MYO1D: variants seen among roughly 807,000 people sequenced by gnomAD.
MYO1D encodes the protein myosin ID, also known as unconventional myosin-Id.
Under a neutral mutation model 122.0 loss-of-function variants are expected in MYO1D, and 83 were observed. The ratio of observed to expected loss-of-function variants is 0.68; its 90% CI spans 0.57 to 0.82. MYO1D has a LOEUF of 0.82. Among genes scored for constraint, MYO1D ranks in the 40% least tolerant of loss-of-function variants. The pLI, the probability that MYO1D is intolerant of heterozygous loss-of-function variation, is 0.00. For synonymous variants in MYO1D, 464 were observed against 446.9 expected (o/e 1.04, Z -0.48); for missense variants, 1,157 against 1,269.5 (o/e 0.91, Z 1.35).
intron 21 of MYO1D, among the ~76,000 whole-genome samples, chr17:32,595,275 C>T (rs370132772): frequency 5.3e-5 from 8 of 152,194 alleles, no homozygotes; most frequent in East Asian, 3.9e-4. Context: ...TATCTGTAAT[C>T]GGTCACAATT....
At chr17:32,856,066 G>A (rs566046372) in intron 1 of MYO1D, among the ~76,000 whole-genome samples, 2 of 152,250 alleles carry the variant, frequency 1.3e-5, no homozygotes, top group South Asian at 4.1e-4. Flanking sequence ...ATCAGAATGT[G>A]CATGCAGATG....
chr17:32,681,460 C>G (rs552996212), intron 16 of MYO1D, among the ~76,000 whole-genome samples: 281 of 146,360 alleles, frequency 1.9e-3, no homozygotes, highest in African/African-American at 6.9e-3. Flanking sequence ...TGTCTTTGTT[C>G]TCGTTGGTTT....
intron 16 of MYO1D, among the ~76,000 whole-genome samples, chr17:32,674,170 G>C (rs973935568): frequency 6.6e-6 from 1 of 152,198 alleles, no homozygotes; most frequent in African/African-American, 2.4e-5. Flanking sequence ...TGGGGGTGGA[G>C]TGGAAACGGC....
At chr17:32,659,449 T>C (rs2088527073) in intron 16 of MYO1D, 111 bp from the exon 17 acceptor site, 5 of 1,094,592 alleles carry the variant, frequency 4.6e-6, no homozygotes, top group Admixed American at 2.1e-5. Context: ...AACTTGCAAG[T>C]GTGCACAAAA....
At chr17:32,644,296 T>G (rs899380914) in intron 19 of MYO1D, among the ~76,000 whole-genome samples, 1 of 152,230 alleles carries the variant, frequency 6.6e-6, no homozygotes, top group Admixed American at 6.5e-5. Context: ...TTATAATTTC[T>G]GTTCTTTTAC....
chr17:32,877,112 T>C lies in MYO1D; in HGVS notation c.-240A>G, dbSNP rs1161811151. ...CAGTTTCCGCTCCTCCCGCCGCGGC[T>C]GCCGGGCGCTGTAGGGGCCGGGACA... On this transcript the variant is annotated 5_prime_UTR_variant, in exon 1 of 22. Coordinates refer to ENST00000318217, the MANE Select transcript of MYO1D (RefSeq NM_015194.3). 5.3e-6 allele frequency: 1 copy of C among 189,420 alleles called. No homozygotes were observed. The highest frequency in any genetic ancestry group is 1.1e-5 in the Non-Finnish European group (1 of 93,598). The allele number at this position is 189,420 out of a possible 1,614,324, so 11.7% of individuals were successfully genotyped here. A position where few individuals can be genotyped will look rare whatever the true frequency, so the allele number is the denominator to read the frequency against.
rs562695815 is a variant in MYO1D at position 32,673,251 on chromosome 17, G to A, written c.2122-13913C>T. ...CCTGAGTAATTGGGATTACAAGCAC[G>A]TGCTACCACACCTGGCTAATTTTTT... is the stretch of plus-strand genomic sequence containing the variant. On this transcript the variant is annotated intron_variant, in intron 16 of 21. Coordinates refer to ENST00000318217, the MANE Select transcript of MYO1D (RefSeq NM_015194.3). Among the ~76,000 whole-genome samples the A allele has an allele frequency of 2.1e-3, 322 of 151,320 alleles. 1 individual carries two copies. The highest frequency in any genetic ancestry group is 3.5e-3 in the Non-Finnish European group (238 of 67,806).
intron 13 of MYO1D, among the ~76,000 whole-genome samples, chr17:32,739,808 A>G (rs2089753025): frequency 6.6e-6 from 1 of 152,170 alleles, no homozygotes; most frequent in Admixed American, 6.5e-5. Context: ...TAGGTGCTCA[A>G]AATAATAGCT....
At chr17:32,525,026 C>T (rs1910297308) in intron 21 of MYO1D, among the ~76,000 whole-genome samples, 1 of 152,156 alleles carries the variant, frequency 6.6e-6, no homozygotes, top group Non-Finnish European at 1.5e-5. Flanking sequence ...TTTTGTTTTC[C>T]TTAGGAAGTC....
intron 4 of MYO1D, 79 bp downstream of exon 4, chr17:32,775,785 T>G: frequency 8.2e-7 from 1 of 1,221,768 alleles, no homozygotes; most frequent in Non-Finnish European, 1.1e-6. Flanking sequence ...TTTGAGTCAA[T>G]AAAATAAATT....
intron 21 of MYO1D, among the ~76,000 whole-genome samples, chr17:32,536,326 T>C (rs1355882102): frequency 6.6e-6 from 1 of 151,310 alleles, no homozygotes; most frequent in Non-Finnish European, 1.5e-5. Flanking sequence ...TGAGCCACTG[T>C]GCCTGGCCCC....
chr17:32,863,922 T>G (rs1478076494), intron 1 of MYO1D, among the ~76,000 whole-genome samples: 4 of 151,556 alleles, frequency 2.6e-5, no homozygotes, highest in Non-Finnish European at 5.9e-5. Context: ...CATGTTGAAC[T>G]TTGAATAACT....
chr17:32,603,521 C>CTTT (rs776245633), intron 21 of MYO1D, among the ~76,000 whole-genome samples: 29 of 99,668 alleles, frequency 2.9e-4, no homozygotes, highest in East Asian at 5.1e-4. Context: ...ACATTCTAAA[C>CTTT]TTTTTTTTTT....
At chr17:32,520,788 G>C (rs1287586186) in intron 21 of MYO1D, among the ~76,000 whole-genome samples, 1 of 152,226 alleles carries the variant, frequency 6.6e-6, no homozygotes, top group African/African-American at 2.4e-5. Flanking sequence ...CCAGGGCCTT[G>C]ACACAGCCAC....
At chr17:32,649,416 A>T (rs1170772688) in intron 19 of MYO1D, among the ~76,000 whole-genome samples, 1 of 152,140 alleles carries the variant, frequency 6.6e-6, no homozygotes, top group Non-Finnish European at 1.5e-5. Flanking sequence ...GAATCAGATC[A>T]TTCTAGGTAC....
chr17:32,735,428 C>T (rs1196905494), intron 14 of MYO1D, among the ~76,000 whole-genome samples: 2 of 152,196 alleles, frequency 1.3e-5, no homozygotes, highest in Non-Finnish European at 2.9e-5. Context: ...AGTGATCCTC[C>T]TGCCTTGGCC....
rs966631572 is a variant in MYO1D, at chr17:32,794,539, T to C, written c.96-13755A>G. ...ATCAATCATTAGTTATTAGCACTCA[T>C]GTTCCAAGCATTGTGCTGGGAGCCA... On this transcript the variant is annotated intron_variant, in intron 1 of 21. Transcript: ENST00000318217. 2.6e-5 allele frequency among the ~76,000 whole-genome samples: 4 copies of C among 152,118 alleles called. No homozygotes were observed. The East Asian group carries it at 5.8e-4, about 22-fold the overall frequency.
intron 16 of MYO1D, among the ~76,000 whole-genome samples, chr17:32,707,809 G>A (rs749930259): frequency 4.0e-4 from 61 of 152,226 alleles, no homozygotes; most frequent in Non-Finnish European, 7.2e-4. Context: ...ATAGGCAGAA[G>A]GTGCCTAATG....
At chr17:32,621,843 C>A (rs2087858823) in intron 20 of MYO1D, among the ~76,000 whole-genome samples, 1 of 152,154 alleles carries the variant, frequency 6.6e-6, no homozygotes, top group Non-Finnish European at 1.5e-5. Context: ...TAAGAAAAGA[C>A]AGGCCAGAAC....
Sources: allele counts gnomAD v4.1 joint callset (sites outside exome capture counted in the v4.1 genomes callset), GRCh38; gene constraint gnomAD v4.1.1; transcripts MANE v1.5; gene names NCBI Gene and HGNC (gene_info 2026-07-23, HGNC 2026-07-21).